The following TSPAN5 variants were observed in gnomAD, a reference collection of about 807,000 sequenced individuals.
TSPAN5 encodes tetraspanin-5.
Under a neutral mutation model 37.1 loss-of-function variants are expected in TSPAN5, and 10 were observed. The ratio of observed to expected loss-of-function variants is 0.27; its 90% CI spans 0.17 to 0.46. The LOEUF is 0.46. TSPAN5 is among the 20% of genes least tolerant of loss of function. The pLI, the probability that TSPAN5 is intolerant of heterozygous loss-of-function variation, is 1.00. For synonymous variants in TSPAN5, 110 were observed against 118.9 expected (o/e 0.93, Z 0.48); for missense variants, 195 against 326.6 (o/e 0.60, Z 3.11).
At chr4:98,613,744 G>A (rs1756255603) in intron 1 of TSPAN5, among the ~76,000 whole-genome samples, 1 of 152,114 alleles carries the variant, frequency 6.6e-6, no homozygotes, top group South Asian at 2.1e-4. Flanking sequence ...CTCGGTGGTG[G>A]TTACAGCATA....
At chr4:98,550,200 T>C (rs1473246643) in intron 1 of TSPAN5, among the ~76,000 whole-genome samples, 1 of 152,208 alleles carries the variant, frequency 6.6e-6, no homozygotes, top group Non-Finnish European at 1.5e-5. Context: ...TGTAGATATG[T>C]GGCTTTATTT....
intron 7 of TSPAN5, 129 bp from the exon 8 acceptor site, chr4:98,472,716 C>T: frequency 2.7e-6 from 2 of 730,690 alleles, no homozygotes; most frequent in East Asian, 2.7e-5. Flanking sequence ...TAAAAAGCAT[C>T]CTTGAAATGT....
Position 98,571,451 on chromosome 4 carries a change from C to CT in TSPAN5, c.82-63724dup, listed in dbSNP as rs149449613. Among the ~76,000 whole-genome samples the CT allele has an allele frequency of 8.7e-4, 115 of 132,442 alleles. 2 individuals carry two copies. Among genetic ancestry groups the CT allele is most frequent in the African/African-American group, 1.3e-3 (47 of 35,930 alleles). 86.9% of individuals were successfully genotyped at this position (132,442 alleles called of 152,430 possible). ...GAAGTTCTCCCACAAACCGTTCTGG[C>CT]TTTTTTTTTTTTTTTTCAAATTTAC... is the stretch of plus-strand genomic sequence containing the variant. On this transcript the variant is annotated intron_variant, in intron 1 of 7. Transcript: ENST00000305798.
At chr4:98,566,018 T>A (rs1208267482) in intron 1 of TSPAN5, among the ~76,000 whole-genome samples, 1 of 152,124 alleles carries the variant, frequency 6.6e-6, no homozygotes, top group Admixed American at 6.5e-5. Context: ...TCCTTAGTTT[T>A]AGCGAGGAGA....
rs894654646 is a variant in TSPAN5 at position 98,563,202 on chromosome 4, T to C, written c.82-55474A>G. Among the ~76,000 whole-genome samples the C allele has an allele frequency of 1.4e-4, 21 of 152,222 alleles. No homozygotes were observed. The Middle Eastern group carries it at 0.01, about 74-fold the overall frequency. ...CAAAGTCATCACATAACAATATGTT[T>C]GTTAAAGGAACTGCCAGAGCAAGCA... is the stretch of plus-strand genomic sequence containing the variant. On this transcript the variant is annotated intron_variant, in intron 1 of 7. Coordinates refer to ENST00000305798, the MANE Select transcript of TSPAN5 (RefSeq NM_005723.4).
chr4:98,512,824 G>A (rs774142572), intron 1 of TSPAN5, among the ~76,000 whole-genome samples: 14 of 152,138 alleles, frequency 9.2e-5, no homozygotes, highest in Non-Finnish European at 2.1e-4. Context: ...TTTCTCTTGG[G>A]ATAAATGAAG....
intron 1 of TSPAN5, among the ~76,000 whole-genome samples, chr4:98,600,100 G>A (rs1219984691): frequency 1.3e-5 from 2 of 152,210 alleles, no homozygotes; most frequent in Non-Finnish European, 2.9e-5. Context: ...ACTGCATCTA[G>A]TAAGTGTGCA....
intron 1 of TSPAN5, among the ~76,000 whole-genome samples, chr4:98,619,686 G>T (rs952913447): frequency 2.0e-5 from 3 of 152,194 alleles, no homozygotes; most frequent in Non-Finnish European, 4.4e-5. Flanking sequence ...AGATTGACGA[G>T]TGTCCATCTG....
intron 1 of TSPAN5, among the ~76,000 whole-genome samples, chr4:98,657,029 C>A (rs1757307575): frequency 6.6e-6 from 1 of 152,120 alleles, no homozygotes; most frequent in South Asian, 2.1e-4. Context: ...AACCCCCTAC[C>A]CAGACAGCCA....
chr4:98,553,550 C>T (rs1249241707), intron 1 of TSPAN5, among the ~76,000 whole-genome samples: 1 of 152,096 alleles, frequency 6.6e-6, no homozygotes, highest in African/African-American at 2.4e-5. Context: ...ATTAAAACTT[C>T]GTAAGAATGG....
intron 1 of TSPAN5, among the ~76,000 whole-genome samples, chr4:98,530,753 A>AC (rs1754063641): frequency 6.6e-6 from 1 of 151,734 alleles, no homozygotes; most frequent in African/African-American, 2.4e-5. Context: ...ACACACACAC[A>AC]TATTTAGAAA....
chr4:98,491,265 A>C (rs1173212148), intron 2 of TSPAN5, among the ~76,000 whole-genome samples: 1 of 152,210 alleles, frequency 6.6e-6, no homozygotes, highest in East Asian at 1.9e-4. Flanking sequence ...ATCTTGAAAC[A>C]CAAGAAGTGA....
chr4:98,581,101 C>T (rs890460135), intron 1 of TSPAN5, among the ~76,000 whole-genome samples: 8 of 152,182 alleles, frequency 5.3e-5, no homozygotes, highest in Non-Finnish European at 1.2e-4. Flanking sequence ...GCCCACCATG[C>T]ACTGATATAA....
intron 1 of TSPAN5, among the ~76,000 whole-genome samples, chr4:98,546,819 G>A (rs1754482357): frequency 6.6e-6 from 1 of 152,126 alleles, no homozygotes; most frequent in African/African-American, 2.4e-5. Flanking sequence ...TCCCTAAGAG[G>A]GCTTTTTTCC....
At chr4:98,590,934 T>G (rs1043430197) in intron 1 of TSPAN5, among the ~76,000 whole-genome samples, 3 of 152,184 alleles carry the variant, frequency 2.0e-5, no homozygotes, top group Non-Finnish European at 4.4e-5. Context: ...ACACACACTT[T>G]GGGTACCTGT....
At chr4:98,527,869 G>A (rs988799804) in intron 1 of TSPAN5, among the ~76,000 whole-genome samples, 8 of 152,136 alleles carry the variant, frequency 5.3e-5, no homozygotes, top group Non-Finnish European at 1.2e-4. Flanking sequence ...AACAGTAGAC[G>A]GGATAATGTT....
chr4:98,654,162 A>G (rs1466516276), intron 1 of TSPAN5, among the ~76,000 whole-genome samples: 2 of 152,200 alleles, frequency 1.3e-5, no homozygotes, highest in Non-Finnish European at 2.9e-5. Flanking sequence ...TCCAACTCCA[A>G]CTACATCTCA....
At chr4:98,501,559 G>A (rs1031846322) in intron 2 of TSPAN5, among the ~76,000 whole-genome samples, 2 of 152,182 alleles carry the variant, frequency 1.3e-5, no homozygotes, top group Non-Finnish European at 2.9e-5. Flanking sequence ...TAGGTCAAAG[G>A]TGACATTTGA....
intron 1 of TSPAN5, among the ~76,000 whole-genome samples, chr4:98,626,419 G>A (rs979153295): frequency 6.6e-6 from 1 of 152,132 alleles, no homozygotes; most frequent in Non-Finnish European, 1.5e-5. Context: ...TAAGGCATAA[G>A]TCAGATCATG....
Sources: allele counts gnomAD v4.1 joint callset (sites outside exome capture counted in the v4.1 genomes callset), GRCh38; gene constraint gnomAD v4.1.1; transcripts MANE v1.5; gene names NCBI Gene and HGNC (gene_info 2026-07-23, HGNC 2026-07-21).